Variants in CIAPIN1 observed in about 807,000 individuals in gnomAD.
CIAPIN1 encodes anamorsin.
Under a neutral mutation model 34.3 loss-of-function variants are expected in CIAPIN1, and 18 were observed. The ratio of observed to expected loss-of-function variants is 0.52; its 90% CI spans 0.36 to 0.78. The LOEUF is 0.78. Ranked by LOEUF, CIAPIN1 falls within the 30% of genes least tolerant of loss-of-function variation. The pLI, the probability that CIAPIN1 is intolerant of heterozygous loss-of-function variation, is 0.00. For missense variants in CIAPIN1, 310 were observed against 372.5 expected (o/e 0.83, Z 1.38); for synonymous variants, 131 against 140.4 (o/e 0.93, Z 0.47).
intron 1 of CIAPIN1, 118 bp from the exon 2 acceptor site, chr16:57,441,101 T>A: frequency 3.5e-6 from 2 of 571,892 alleles, no homozygotes; most frequent in Non-Finnish European, 2.9e-6. Flanking sequence ...CTCTACTGTA[T>A]ATGCTAAAGA....
At chr16:57,440,634 T>A in intron 2 of CIAPIN1, 138 bp downstream of exon 2, 1 of 948,368 alleles carries the variant, frequency 1.1e-6, no homozygotes. Context: ...ATATCTCAAC[T>A]GAAAAACAAC....
Position 57,439,205 on chromosome 16 carries a change from T to A in CIAPIN1, c.287A>T (p.Lys96Met). 1.2e-6 allele frequency: 2 copies of A among 1,614,010 alleles called. No homozygotes were observed. The highest frequency in any genetic ancestry group is 8.5e-7 in the Non-Finnish European group (1 of 1,180,046). The change falls in exon 3 of 9, where the codon AAG (lysine) becomes ATG (methionine). Residue 96 changes from lysine (K) to methionine (M), a missense_variant. Transcript: ENST00000394391. The part of the protein sequence containing the change: ...ILRPGGCLFL[K>M]EPVETAVDNN... The stretch of plus-strand genomic sequence containing the variant: ...ACCTACAGCTGTCTCTACTGGCTCC[T>A]TCAGAAAAAGACATCCACCAGGCCG...
chr16:57,430,451 C>T (rs1598021071), intron 7 of CIAPIN1, 112 bp from the exon 8 acceptor site: 2 of 937,928 alleles, frequency 2.1e-6, no homozygotes, highest in East Asian at 5.0e-5. Context: ...AGTGTCATAA[C>T]TCAGAAGCCT....
chr16:57,431,674 A>G (rs1163169745), intron 6 of CIAPIN1, among the ~76,000 whole-genome samples: 1 of 152,226 alleles, frequency 6.6e-6, no homozygotes, highest in East Asian at 1.9e-4. Flanking sequence ...AATCCCAGAT[A>G]AAAATCAAAT....
At chr16:57,443,542 C>T (rs950659377) in intron 1 of CIAPIN1, among the ~76,000 whole-genome samples, 1 of 152,206 alleles carries the variant, frequency 6.6e-6, no homozygotes, top group African/African-American at 2.4e-5. Flanking sequence ...AGTGCAACCT[C>T]CGCCTTCAGC....
chr16:57,432,214 T>C (rs1325385813), intron 6 of CIAPIN1, among the ~76,000 whole-genome samples: 19 of 152,048 alleles, frequency 1.2e-4, no homozygotes, highest in Admixed American at 3.9e-4. Context: ...CTTGGGAGGC[T>C]GAAACATGAG....
chr16:57,437,678 A>G (rs372268970), intron 3 of CIAPIN1, among the ~76,000 whole-genome samples: 50 of 151,886 alleles, frequency 3.3e-4, no homozygotes, highest in African/African-American at 1.2e-3. Flanking sequence ...GGTGTGCACT[A>G]CCACACTGGG....
At chr16:57,447,317 C>T (rs2030127635) in intron 1 of CIAPIN1, 25 bp downstream of exon 1, 2 of 430,460 alleles carry the variant, frequency 4.6e-6, no homozygotes, top group African/African-American at 4.1e-5. Context: ...AGCTCTGGCG[C>T]TCAGCTGGCC....
chr16:57,440,752 C>G lies in CIAPIN1; in HGVS notation c.157+20G>C. 6.2e-7 allele frequency: 1 copy of G among 1,600,424 alleles called. No homozygotes were observed. The highest frequency in any genetic ancestry group is 8.5e-7 in the Non-Finnish European group (1 of 1,172,138). ...GGAAACCCCTCCAGCCTCATAAAGA[C>G]AACGTGGGTGGGTACTTACATTGCA... On this transcript the variant is annotated intron_variant, in intron 2 of 8. Coordinates refer to ENST00000394391, the MANE Select transcript of CIAPIN1 (RefSeq NM_020313.4).
rs1903011756 is a variant in CIAPIN1, at chr16:57,428,796, G to A, written c.*374C>T. 1 of 164,100 alleles carries A rather than the reference G, an allele frequency of 6.1e-6. No individual in the cohort carries two copies. Among genetic ancestry groups the A allele is most frequent in the Admixed American group, 6.3e-5 (1 of 15,948 alleles). 10.2% of individuals were successfully genotyped at this position (164,100 alleles called of 1,614,324 possible). A position where few individuals can be genotyped will look rare whatever the true frequency, so the allele number is the denominator to read the frequency against. On this transcript the variant is annotated 3_prime_UTR_variant, in exon 9 of 9. Transcript: ENST00000394391. Reference sequence around the variant, plus strand: ...AAGAGGGTGGCAGCATTGCTGAGATGAGACTCAAGGCAGGGGTCTGCAGCT... The same window carrying A: ...AAGAGGGTGGCAGCATTGCTGAGATAAGACTCAAGGCAGGGGTCTGCAGCT...
At chr16:57,431,405 C>G in intron 6 of CIAPIN1, 139 bp from the exon 7 acceptor site, 1 of 561,322 alleles carries the variant, frequency 1.8e-6, no homozygotes. Flanking sequence ...GGTTGATCAT[C>G]ATGTTCAACC....
intron 1 of CIAPIN1, among the ~76,000 whole-genome samples, chr16:57,445,013 C>T (rs1266362127): frequency 1.3e-5 from 2 of 152,146 alleles, no homozygotes; most frequent in Non-Finnish European, 2.9e-5. Context: ...GCAGTAAAAG[C>T]GGATGTCTGA....
chr16:57,430,124 C>T (rs1165600611), intron 8 of CIAPIN1, 134 bp downstream of exon 8: 2 of 728,684 alleles, frequency 2.7e-6, no homozygotes, highest in Non-Finnish European at 4.8e-6. Flanking sequence ...CTCCCCATTA[C>T]TACCTACGTT....
chr16:57,433,926 G>A, intron 5 of CIAPIN1, 118 bp downstream of exon 5: 1 of 927,000 alleles, frequency 1.1e-6, no homozygotes, highest in East Asian at 2.5e-5. Flanking sequence ...TGTGGAAATG[G>A]CAGAAATCAA....
chr16:57,442,991 G>A (rs894812940), intron 1 of CIAPIN1, among the ~76,000 whole-genome samples: 3 of 150,712 alleles, frequency 2.0e-5, no homozygotes, highest in Non-Finnish European at 2.9e-5. Context: ...AACTGCAAGC[G>A]CCCCTAAAAG....
intron 5 of CIAPIN1, 77 bp from the exon 6 acceptor site, chr16:57,432,637 C>T (rs667380): frequency 0.13 from 174,147 of 1,326,256 alleles, 13,391 homozygotes; most frequent in African/African-American, 0.31. Flanking sequence ...ATAAATGCTT[C>T]CTGCTGTGTA....
intron 1 of CIAPIN1, among the ~76,000 whole-genome samples, chr16:57,444,439 T>A (rs1160131992): frequency 1.3e-5 from 2 of 152,202 alleles, no homozygotes; most frequent in African/African-American, 4.8e-5. Flanking sequence ...AGCAGTCCTA[T>A]AAAACCCTGC....
intron 6 of CIAPIN1, among the ~76,000 whole-genome samples, chr16:57,432,084 G>A (rs968158990): frequency 9.9e-5 from 15 of 151,956 alleles, no homozygotes. Flanking sequence ...AGGCCGAGGC[G>A]GGCAGATCAC....
rs1157289338 is a variant in CIAPIN1 at position 57,440,886 on chromosome 16, C to T, written c.43G>A (p.Val15Ile). 6.2e-7 allele frequency: 1 copy of T among 1,614,046 alleles called. No individual in the cohort carries two copies. The highest frequency in any genetic ancestry group is 1.1e-5 in the South Asian group (1 of 91,082). Reference sequence around the variant, plus strand: ...TCCACTGGGGATGACTTATCCCAGACCACTGCCACAAACTGGCCAGCAGAG... The same window carrying T: ...TCCACTGGGGATGACTTATCCCAGATCACTGCCACAAACTGGCCAGCAGAG... ...GISAGQFVAV[V>I]WDKSSPVEAL... Residue 15 changes from valine (V) to isoleucine (I), a missense_variant, in exon 2 of 9, where the codon GTC becomes ATC. By Grantham distance (29) the Val-to-Ile change is conservative. Coordinates refer to ENST00000394391, the MANE Select transcript of CIAPIN1 (RefSeq NM_020313.4).
Sources: allele counts gnomAD v4.1 joint callset (sites outside exome capture counted in the v4.1 genomes callset), GRCh38; gene constraint gnomAD v4.1.1; transcripts MANE v1.5; gene names NCBI Gene and HGNC (gene_info 2026-07-23, HGNC 2026-07-21).